MRO: variants seen among roughly 807,000 people sequenced by gnomAD.
The protein encoded by MRO is protein maestro.
In MRO, 28 loss-of-function variants were observed where a neutral mutation model predicts 31.0. The observed-to-expected ratio is 0.90, with a 90% CI of 0.67 to 1.24. MRO has a LOEUF of 1.24. MRO is among the 50% of genes most tolerant of loss of function. MRO has a pLI of 0.00. For missense variants in MRO, 332 were observed against 289.2 expected, an observed-to-expected ratio of 1.15 and a Z score of -1.07; for synonymous variants, 108 against 108.4, an observed-to-expected ratio of 1.00 and a Z score of 0.02.
rs200705831 is a variant in MRO at position 50,805,029 on chromosome 18, AT to A, written c.429+124del. Reference sequence around the variant, plus strand: ...ATGGTCTCGATCTCCTGACCTCGTGATCCCACCCGCCTCGGCCTCCCAAAGT... The same window carrying A: ...ATGGTCTCGATCTCCTGACCTCGTGACCCACCCGCCTCGGCCTCCCAAAGT... On this transcript the variant is annotated intron_variant, in intron 5 of 7. Coordinates refer to ENST00000398439, the MANE Select transcript of MRO (RefSeq NM_031939.6). The A allele has an allele frequency of 4.3e-5, 29 of 669,216 alleles. No individual in the cohort carries two copies. In the East Asian group the frequency reaches 5.0e-4, roughly 12 times the overall value. The allele number at this position is 669,216 out of a possible 1,614,324, so 41.5% of individuals were successfully genotyped here.
At chr18:50,803,214 A>T (rs1221119025) in intron 5 of MRO, among the ~76,000 whole-genome samples, 1 of 152,008 alleles carries the variant, frequency 6.6e-6, no homozygotes, top group Non-Finnish European at 1.5e-5. Context: ...ACCAGGGTTT[A>T]AAAAAATGGT....
chr18:50,805,039 C>G, intron 5 of MRO, 115 bp downstream of exon 5: 1 of 797,720 alleles, frequency 1.3e-6, no homozygotes, highest in Non-Finnish European at 2.1e-6. Flanking sequence ...ATCCCACCCG[C>G]CTCGGCCTCC....
chr18:50,800,159 T>A lies in MRO; in HGVS notation c.586-16A>T. On this transcript the variant is annotated splice_polypyrimidine_tract_variant and intron_variant, in intron 6 of 7. Transcript: ENST00000398439. ...TTTTGCAAGCCTGAGAAAAATAATA[T>A]TACTATTTTATTTATTAGAGAGTTC... 6.5e-7 allele frequency: 1 copy of A among 1,534,596 alleles called. No individual in the cohort carries two copies. The highest frequency in any genetic ancestry group is 9.0e-7 in the Non-Finnish European group (1 of 1,112,448).
rs1302502160 is a variant in MRO, at chr18:50,798,157, G to T, written c.*1180C>A. Reference sequence around the variant, plus strand: ...CTATAGAAGCTTGGGATGCAATCTGGTTAGAGGGAGGGTGAGAGGGACTTA... The same window carrying T: ...CTATAGAAGCTTGGGATGCAATCTGTTTAGAGGGAGGGTGAGAGGGACTTA... On this transcript the variant is annotated 3_prime_UTR_variant, in exon 8 of 8. Transcript: ENST00000398439. 3.9e-5 allele frequency: 6 copies of T among 152,182 alleles called. No homozygotes were observed. The highest frequency in any genetic ancestry group is 8.8e-5 in the Non-Finnish European group (6 of 68,036). 9.4% of individuals were successfully genotyped at this position (152,182 alleles called of 1,614,324 possible).
chr18:50,799,531 T>G, intron 7 of MRO, 141 bp from the exon 8 acceptor site: 1 of 740,262 alleles, frequency 1.4e-6, no homozygotes, highest in Non-Finnish European at 2.4e-6. Context: ...GCTAGTGACC[T>G]GAATTGGAAC....
Position 50,799,017 on chromosome 18 carries a change from G to A in MRO, c.*320C>T. The A allele has an allele frequency of 4.8e-6, 1 of 209,624 alleles. No individual in the cohort carries two copies. 13.0% of individuals were successfully genotyped at this position (209,624 alleles called of 1,614,324 possible). Reference sequence around the variant, plus strand: ...TTAAAAATAAAAGCTAGGTGACAGAGATGAACTTAAGAAAGAAAAAGCTGA... The same window carrying A: ...TTAAAAATAAAAGCTAGGTGACAGAAATGAACTTAAGAAAGAAAAAGCTGA... On this transcript the variant is annotated 3_prime_UTR_variant, in exon 8 of 8. Transcript: ENST00000398439.
chr18:50,805,485 C>A, intron 4 of MRO, 149 bp from the exon 5 acceptor site: 1 of 643,046 alleles, frequency 1.6e-6, no homozygotes, highest in Non-Finnish European at 2.6e-6. Context: ...CATTAAAATA[C>A]AAATGCTTCC....
At chr18:50,808,851 C>G (rs894441451) in intron 3 of MRO, among the ~76,000 whole-genome samples, 50 of 151,482 alleles carry the variant, frequency 3.3e-4, no homozygotes, top group African/African-American at 1.1e-3. Context: ...GTTAAAAGAA[C>G]TGTCGGCCGG....
At position 50,798,576 on chromosome 18, in the gene MRO, A is replaced by G. The variant is rs1912983177; in HGVS notation, c.*761T>C. On this transcript the variant is annotated 3_prime_UTR_variant, in exon 8 of 8. Coordinates refer to ENST00000398439, the MANE Select transcript of MRO (RefSeq NM_031939.6). ...GCTTTCTCATCTATAAAATGAGAAC[A>G]ATAATAATACTTACTATCTCAGGGT... 1 of 152,230 alleles carries G rather than the reference A, an allele frequency of 6.6e-6. No homozygotes were observed. The highest frequency in any genetic ancestry group is 2.4e-5 in the African/African-American group (1 of 41,458). The allele number at this position is 152,230 out of a possible 1,614,324, so 9.4% of individuals were successfully genotyped here.
intron 6 of MRO, 59 bp downstream of exon 6, chr18:50,801,290 A>C: frequency 6.9e-7 from 1 of 1,458,704 alleles, no homozygotes; most frequent in Non-Finnish European, 9.2e-7. Flanking sequence ...TCAACTCGCA[A>C]CTCCCTTTAT....
intron 7 of MRO, 51 bp downstream of exon 7, chr18:50,799,985 C>A (rs190793821): frequency 9.0e-6 from 12 of 1,334,318 alleles, no homozygotes; most frequent in Non-Finnish European, 1.3e-5. Flanking sequence ...GTGTTAACCA[C>A]CAGGAGGGCA....
intron 2 of MRO, 50 bp downstream of exon 2, chr18:50,819,531 C>A: frequency 6.5e-7 from 1 of 1,547,846 alleles, no homozygotes; most frequent in Non-Finnish European, 8.7e-7. Flanking sequence ...CAAGTGCAGC[C>A]AGGACGCCTC....
chr18:50,795,824 C>T lies in MRO; in HGVS notation c.*3513G>A, dbSNP rs1367568510. ...CCATGGTGGCAGGCACCTGTAATCC[C>T]AGCTACTCAGGAGGCTGAGACAGGA... On this transcript the variant is annotated 3_prime_UTR_variant, in exon 8 of 8. Coordinates refer to ENST00000398439, the MANE Select transcript of MRO (RefSeq NM_031939.6). 1 of 152,374 alleles carries T rather than the reference C, an allele frequency of 6.6e-6. No individual in the cohort carries two copies. Among genetic ancestry groups the T allele is most frequent in the Non-Finnish European group, 1.5e-5 (1 of 68,214 alleles). The allele number at this position is 152,374 out of a possible 1,614,324, so 9.4% of individuals were successfully genotyped here.
chr18:50,796,678 C>G lies in MRO; in HGVS notation c.*2659G>C, dbSNP rs1248735236. ...GCAAAGGTGAGGGGGTATAGGAGAACAAGACATGTTGAGAGAAGAGAAAGG... is the reference window on the plus strand; with the variant it reads ...GCAAAGGTGAGGGGGTATAGGAGAAGAAGACATGTTGAGAGAAGAGAAAGG... On this transcript the variant is annotated 3_prime_UTR_variant, in exon 8 of 8. Coordinates refer to ENST00000398439, the MANE Select transcript of MRO (RefSeq NM_031939.6). 6.6e-6 allele frequency: 1 copy of G among 152,096 alleles called. No individual in the cohort carries two copies. The highest frequency in any genetic ancestry group is 2.4e-5 in the African/African-American group (1 of 41,358). The allele number at this position is 152,096 out of a possible 1,614,324, so 9.4% of individuals were successfully genotyped here.
chr18:50,801,345 T>C lies in MRO; in HGVS notation c.585+4A>G. ...CTCTGTTGGTTGCAGAGTCAAGGTCTTACCTTGGCAACCTGGGGATTTCTG... is the reference window on the plus strand; with the variant it reads ...CTCTGTTGGTTGCAGAGTCAAGGTCCTACCTTGGCAACCTGGGGATTTCTG... On this transcript the variant is annotated splice_donor_region_variant and intron_variant, in intron 6 of 7. Transcript: ENST00000398439. 6.4e-7 allele frequency: 1 copy of C among 1,574,768 alleles called. No homozygotes were observed. Among genetic ancestry groups the C allele is most frequent in the Non-Finnish European group, 8.6e-7 (1 of 1,157,228 alleles).
chr18:50,825,130 C>T (rs1014846612), intron 1 of MRO, among the ~76,000 whole-genome samples: 1 of 151,642 alleles, frequency 6.6e-6, no homozygotes, highest in Non-Finnish European at 1.5e-5. Context: ...GCCTTTCCTA[C>T]CTGAGATATT....
chr18:50,819,411 A>G, intron 2 of MRO, 170 bp downstream of exon 2: 1 of 985,046 alleles, frequency 1.0e-6, no homozygotes, highest in Non-Finnish European at 1.2e-6. Flanking sequence ...CTTCCTGGTC[A>G]ACATTGCCCA....
chr18:50,812,772 G>T (rs921560874), intron 2 of MRO, among the ~76,000 whole-genome samples: 3 of 152,062 alleles, frequency 2.0e-5, no homozygotes, highest in Admixed American at 6.6e-5. Context: ...AGGAGAGATG[G>T]CAGGCAAGCA....
chr18:50,818,628 T>C (rs1203851134), intron 2 of MRO, among the ~76,000 whole-genome samples: 1 of 152,242 alleles, frequency 6.6e-6, no homozygotes, highest in Non-Finnish European at 1.5e-5. Context: ...AATAATCCTT[T>C]TATTTATTGA....
Sources: allele counts gnomAD v4.1 joint callset (sites outside exome capture counted in the v4.1 genomes callset), GRCh38; gene constraint gnomAD v4.1.1; transcripts MANE v1.5; gene names NCBI Gene and HGNC (gene_info 2026-07-23, HGNC 2026-07-21).